Variants in CLIC6 observed in about 807,000 individuals in gnomAD.
The protein encoded by CLIC6 is chloride intracellular channel protein 6.
A neutral mutation model predicts 49.2 loss-of-function variants in CLIC6; 39 were observed. The observed-to-expected ratio is 0.79, with a 90% CI of 0.61 to 1.04. CLIC6 has a LOEUF of 1.04. Ranked by LOEUF, CLIC6 falls within the 50% of genes least tolerant of loss-of-function variation. CLIC6 has a pLI of 0.00. For synonymous variants in CLIC6, 446 were observed against 433.4 expected (o/e 1.03, Z -0.36); for missense variants, 988 against 993.1 (o/e 0.99, Z 0.07).
chr21:34,687,424 G>A (rs1455613738), intron 1 of CLIC6, among the ~76,000 whole-genome samples: 1 of 152,162 alleles, frequency 6.6e-6, no homozygotes, highest in Non-Finnish European at 1.5e-5. Context: ...TCATCTCCAT[G>A]TAAAAGCTTC....
intron 1 of CLIC6, among the ~76,000 whole-genome samples, chr21:34,690,838 G>A (rs990707991): frequency 6.8e-6 from 1 of 147,382 alleles, no homozygotes; most frequent in Non-Finnish European, 1.5e-5. Context: ...GGGTGAGGGT[G>A]GGAAAGGAGT....
At chr21:34,673,429 A>G (rs1442255131) in intron 1 of CLIC6, among the ~76,000 whole-genome samples, 1 of 152,126 alleles carries the variant, frequency 6.6e-6, no homozygotes, top group Non-Finnish European at 1.5e-5. Flanking sequence ...CGCTGAGACT[A>G]CAGGCATGCG....
intron 1 of CLIC6, among the ~76,000 whole-genome samples, chr21:34,680,552 A>G (rs1989758474): frequency 6.6e-6 from 1 of 152,184 alleles, no homozygotes; most frequent in Non-Finnish European, 1.5e-5. Context: ...CTATCACATC[A>G]TCAGGCTGCA....
intron 1 of CLIC6, among the ~76,000 whole-genome samples, chr21:34,704,167 G>A (rs954243208): frequency 6.6e-5 from 10 of 152,044 alleles, no homozygotes; most frequent in Admixed American, 5.9e-4. Flanking sequence ...TTATTCCCTC[G>A]GAATATATGT....
At chr21:34,672,694 T>A (rs1989587995) in intron 1 of CLIC6, among the ~76,000 whole-genome samples, 1 of 152,192 alleles carries the variant, frequency 6.6e-6, no homozygotes, top group South Asian at 2.1e-4. Flanking sequence ...CTGGATAGTG[T>A]GGTGATCAAG....
At chr21:34,687,519 G>A (rs2145805133) in intron 1 of CLIC6, among the ~76,000 whole-genome samples, 1 of 152,206 alleles carries the variant, frequency 6.6e-6, no homozygotes, top group Admixed American at 6.5e-5. Context: ...AGAATAGATG[G>A]CAAATACCAG....
chr21:34,707,181 T>G, intron 1 of CLIC6, 99 bp from the exon 2 acceptor site: 1 of 937,058 alleles, frequency 1.1e-6, no homozygotes, highest in Non-Finnish European at 1.7e-6. Context: ...ATCCTGACCG[T>G]TCTTATCAAC....
rs764817048 is a variant in CLIC6, at chr21:34,707,401, C to T, written c.1484+12C>T. ...GTGGACCTGAAAAGGTAAGACAAGG[C>T]GTCTGCCTTACTGAAATAACTGTAC... is the stretch of plus-strand genomic sequence containing the variant. On this transcript the variant is annotated intron_variant, in intron 2 of 5. Coordinates refer to ENST00000349499, the MANE Select transcript of CLIC6 (RefSeq NM_053277.3). The T allele has an allele frequency of 1.3e-5, 19 of 1,488,472 alleles. No individual in the cohort carries two copies. The highest frequency in any genetic ancestry group is 5.6e-5 in the African/African-American group (4 of 71,404). The allele number at this position is 1,488,472 out of a possible 1,614,324, so 92.2% of individuals were successfully genotyped here.
intron 1 of CLIC6, among the ~76,000 whole-genome samples, chr21:34,694,068 GT>G (rs1351646373): frequency 1.3e-5 from 2 of 150,726 alleles, no homozygotes; most frequent in Admixed American, 6.6e-5. Context: ...CGCCTCCTGG[GT>G]TCACGTCATT....
intron 1 of CLIC6, chr21:34,705,965 C>G: frequency 1.6e-6 from 1 of 624,522 alleles, no homozygotes; most frequent in Non-Finnish European, 2.9e-6. Flanking sequence ...GCAGGACCCA[C>G]TGAATCAAAC....
intron 1 of CLIC6, among the ~76,000 whole-genome samples, chr21:34,705,588 G>C (rs555886023): frequency 1.3e-5 from 2 of 152,176 alleles, no homozygotes; most frequent in South Asian, 2.1e-4. Flanking sequence ...TAATGCTGGC[G>C]TGGGGAGGGG....
intron 1 of CLIC6, among the ~76,000 whole-genome samples, chr21:34,698,450 AG>A (rs1990129072): frequency 6.6e-6 from 1 of 151,696 alleles, no homozygotes; most frequent in South Asian, 2.1e-4. Context: ...AGGGAAGGAA[AG>A]GGATGGAAGG....
At chr21:34,671,773 C>T (rs1360860216) in intron 1 of CLIC6, among the ~76,000 whole-genome samples, 1 of 152,198 alleles carries the variant, frequency 6.6e-6, no homozygotes, top group Non-Finnish European at 1.5e-5. Context: ...AATGCAAGCA[C>T]ATTTTAATAA....
chr21:34,699,563 C>T (rs1990150338), intron 1 of CLIC6, among the ~76,000 whole-genome samples: 1 of 152,014 alleles, frequency 6.6e-6, no homozygotes, highest in Non-Finnish European at 1.5e-5. Flanking sequence ...CCACACCTGA[C>T]CTATTATCTG....
intron 1 of CLIC6, among the ~76,000 whole-genome samples, chr21:34,674,148 A>C (rs143321218): frequency 4.2e-3 from 636 of 152,268 alleles, no homozygotes; most frequent in Non-Finnish European, 6.1e-3. Flanking sequence ...ACAGGGTCTC[A>C]CTATGTTGCC....
At chr21:34,705,898 G>T (rs1387158142) in intron 1 of CLIC6, 5 of 474,230 alleles carry the variant, frequency 1.1e-5, no homozygotes, top group African/African-American at 9.9e-5. Flanking sequence ...TCTGACCACT[G>T]GCATTGTATC....
At chr21:34,693,852 C>A (rs922046224) in intron 1 of CLIC6, among the ~76,000 whole-genome samples, 2 of 152,126 alleles carry the variant, frequency 1.3e-5, no homozygotes, top group Admixed American at 1.3e-4. Flanking sequence ...ATTGTGATCC[C>A]CAGTGCTGGA....
At chr21:34,677,248 C>G (rs1989691121) in intron 1 of CLIC6, among the ~76,000 whole-genome samples, 1 of 152,190 alleles carries the variant, frequency 6.6e-6, no homozygotes, top group Admixed American at 6.5e-5. Flanking sequence ...ATTGTTTTTT[C>G]CTGCTCTTGC....
At chr21:34,702,528 C>T (rs978326448) in intron 1 of CLIC6, among the ~76,000 whole-genome samples, 10 of 152,188 alleles carry the variant, frequency 6.6e-5, no homozygotes, top group African/African-American at 1.4e-4. Context: ...CAACCCCGTA[C>T]GTCAACCCCC....
Sources: gnomAD v4.1 joint callset for allele counts (sites outside exome capture counted in the v4.1 genomes callset) on GRCh38, gnomAD v4.1.1 for gene constraint, MANE v1.5 for transcripts, NCBI Gene and HGNC (gene_info 2026-07-23, HGNC 2026-07-21) for gene names.